Variants in FAM240C observed in about 807,000 individuals in gnomAD.
The protein encoded by FAM240C is protein FAM240C.
In FAM240C, 14 loss-of-function variants were observed where a neutral mutation model predicts 10.0. The observed-to-expected ratio is 1.40, with a 90% CI of 0.92 to 2.19. The LOEUF (loss-of-function observed/expected upper bound fraction) is 2.19, where lower values mean the gene tolerates loss of function less well. FAM240C is among the 30% of genes most tolerant of loss of function. FAM240C has a pLI of 0.00. For missense variants in FAM240C, 154 were observed against 122.3 expected (o/e 1.26, Z -1.22); for synonymous variants, 49 against 44.3 (o/e 1.11, Z -0.42).
At chr2:241,896,507 G>A (rs1701810331) in intron 2 of FAM240C, among the ~76,000 whole-genome samples, 2 of 124,624 alleles carry the variant, frequency 1.6e-5, no homozygotes, top group East Asian at 2.2e-4. Flanking sequence ...GGTGAAGGGG[G>A]TGTGGGTGTT....
In FAM240C at chr2:241,896,037, C is replaced by T. The variant is rs528239749; in HGVS notation, c.161+1149G>A. Among the ~76,000 whole-genome samples, 15 of 152,196 alleles carry T rather than the reference C, an allele frequency of 9.9e-5. 1 individual carries two copies. In the South Asian group the frequency reaches 2.5e-3, roughly 25 times the overall value. ...CTGGGCTCTGTGCTGGGTCCATGTC[C>T]GTAGTTGGGTAGCTGGTGAGTGGGG... On this transcript the variant is annotated intron_variant, in intron 2 of 2. Coordinates refer to ENST00000404031, the MANE Select transcript of FAM240C (RefSeq NM_001382368.1).
chr2:241,899,276 G>T (rs977575545), intron 1 of FAM240C: 7 of 1,270,584 alleles, frequency 5.5e-6, no homozygotes, highest in Admixed American at 5.0e-5. Flanking sequence ...TTGTGATGTG[G>T]GTGCTGGGCG....
At chr2:241,901,209 G>A (rs989168843), upstream of FAM240C, among the ~76,000 whole-genome samples, 1 of 152,174 alleles carries the variant, frequency 6.6e-6, no homozygotes, top group African/African-American at 2.4e-5. The surrounding 1 kb of genome is among the most constrained non-coding windows in gnomAD (Gnocchi z 4.9). Flanking sequence ...CGCCGCCCTG[G>A]TGCCATCAGG....
At chr2:241,894,550 T>C (rs1701740836) in intron 2 of FAM240C, among the ~76,000 whole-genome samples, 1 of 104,006 alleles carries the variant, frequency 9.6e-6, no homozygotes, top group African/African-American at 3.9e-5. Context: ...CGGCCTTGGC[T>C]CAGGCTGCTG....
intron 1 of FAM240C, chr2:241,899,173 C>CAGGT: frequency 2.3e-6 from 3 of 1,304,180 alleles, no homozygotes; most frequent in Non-Finnish European, 3.0e-6. Flanking sequence ...TTGCAATGAA[C>CAGGT]AGGTGCTGGG....
intron 1 of FAM240C, chr2:241,899,340 G>C: frequency 1.0e-6 from 1 of 985,378 alleles, no homozygotes. Flanking sequence ...TCGATGCCAC[G>C]CCCTTTGTTC....
upstream of FAM240C, chr2:241,900,475 A>G (rs901541481): frequency 2.9e-6 from 2 of 691,058 alleles, no homozygotes; most frequent in African/African-American, 1.8e-5. The surrounding 1 kb of genome is among the most constrained non-coding windows in gnomAD (Gnocchi z 4.5). Flanking sequence ...ACATGGGCTC[A>G]GTGACACGCA....
chr2:241,897,168 C>T lies in FAM240C; in HGVS notation c.161+18G>A, dbSNP rs1307017989. 6.5e-7 allele frequency: 1 copy of T among 1,548,830 alleles called. No homozygotes were observed. The highest frequency in any genetic ancestry group is 8.7e-7 in the Non-Finnish European group (1 of 1,146,154). ...CTCAGGCATAGGGGTCCCCGATGCA[C>T]TGCACACCCCGACTCACTTGTTCAG... On this transcript the variant is annotated intron_variant, in intron 2 of 2. Transcript: ENST00000404031.
chr2:241,897,875 T>C (rs567407231), intron 1 of FAM240C, among the ~76,000 whole-genome samples: 2 of 152,302 alleles, frequency 1.3e-5, no homozygotes, highest in East Asian at 1.9e-4. Context: ...GCTGGGACTA[T>C]AGGTGTGCAC....
chr2:241,897,413 G>A, intron 1 of FAM240C, 79 bp from the exon 2 acceptor site: 2 of 1,481,044 alleles, frequency 1.4e-6, no homozygotes, highest in South Asian at 1.3e-5. Flanking sequence ...GCACCCGGAT[G>A]GCAGAGGAGC....
At chr2:241,895,902 C>CGGG (rs1701785385) in intron 2 of FAM240C, among the ~76,000 whole-genome samples, 3 of 151,766 alleles carry the variant, frequency 2.0e-5, no homozygotes, top group Non-Finnish European at 4.4e-5. Flanking sequence ...CACACACAGG[C>CGGG]ACACGTCCAG....
At chr2:241,900,908 G>A (rs773599445), upstream of FAM240C, among the ~76,000 whole-genome samples, 1 of 152,104 alleles carries the variant, frequency 6.6e-6, no homozygotes, top group Non-Finnish European at 1.5e-5. The surrounding 1 kb of genome is among the most constrained non-coding windows in gnomAD (Gnocchi z 4.5). Flanking sequence ...TGGCTCTCGC[G>A]GTGACAGGCG....
In FAM240C at chr2:241,897,389, G is replaced by A. The variant is rs557840398; in HGVS notation, c.13-55C>T. The stretch of plus-strand genomic sequence containing the variant: ...GTCACCTTATGCCATTCCCATTGAC[G>A]AGTTTGTGCTCCAGCACCCGGATGG... On this transcript the variant is annotated intron_variant, in intron 1 of 2. Coordinates refer to ENST00000404031, the MANE Select transcript of FAM240C (RefSeq NM_001382368.1). 1,127 of 1,527,364 alleles carry A rather than the reference G, an allele frequency of 7.4e-4. 6 individuals carry two copies. In the African/African-American group the frequency reaches 0.014, roughly 19 times the overall value. The allele number at this position is 1,527,364 out of a possible 1,614,324, so 94.6% of individuals were successfully genotyped here. A position where few individuals can be genotyped will look rare whatever the true frequency, so the allele number is the denominator to read the frequency against.
chr2:241,899,756 C>G (rs928153352), intron 1 of FAM240C, among the ~76,000 whole-genome samples: 10 of 152,140 alleles, frequency 6.6e-5, no homozygotes, highest in Admixed American at 6.5e-4. Context: ...GGAGAACCAG[C>G]AAACCAGCAG....
chr2:241,898,979 G>GC, intron 1 of FAM240C: 1 of 601,554 alleles, frequency 1.7e-6, no homozygotes, highest in Admixed American at 2.4e-5. Flanking sequence ...GCCTTGCTTG[G>GC]CCTTGGAGGC....
chr2:241,900,275 C>G lies in FAM240C; in HGVS notation c.12+83G>C. ...CGTCTTGTGCCAGATATGTCACATACTCTGTTCACCTTTTGGGGGCCCCCA... is the reference window on the plus strand; with the variant it reads ...CGTCTTGTGCCAGATATGTCACATAGTCTGTTCACCTTTTGGGGGCCCCCA... On this transcript the variant is annotated intron_variant, in intron 1 of 2. Coordinates refer to ENST00000404031, the MANE Select transcript of FAM240C (RefSeq NM_001382368.1). The surrounding 1 kb of genome is among the most constrained non-coding windows in gnomAD (Gnocchi z 4.5). 1 of 710,298 alleles carries G rather than the reference C, an allele frequency of 1.4e-6. No homozygotes were observed. Among genetic ancestry groups the G allele is most frequent in the Non-Finnish European group, 2.6e-6 (1 of 379,824 alleles). The allele number at this position is 710,298 out of a possible 1,614,324, so 44.0% of individuals were successfully genotyped here. A position where few individuals can be genotyped will look rare whatever the true frequency, so the allele number is the denominator to read the frequency against.
chr2:241,897,152 A>AG (rs773115246), intron 2 of FAM240C, 34 bp downstream of exon 2: 8 of 1,545,204 alleles, frequency 5.2e-6, no homozygotes, highest in Non-Finnish European at 7.0e-6. Flanking sequence ...GCTCAGGCAT[A>AG]GGGGTCCCCG....
At chr2:241,894,450 TC>T in intron 2 of FAM240C, 111 bp from the exon 3 acceptor site, 1 of 1,234,426 alleles carries the variant, frequency 8.1e-7, no homozygotes, top group Non-Finnish European at 1.1e-6. Context: ...AGTATGACAC[TC>T]CCTGCCAGGG....
upstream of FAM240C, among the ~76,000 whole-genome samples, chr2:241,901,199 C>T (rs537260883): frequency 6.6e-6 from 1 of 152,182 alleles, no homozygotes; most frequent in Non-Finnish European, 1.5e-5. This position sits in a 1 kb window ranked among gnomAD's most constrained non-coding sequence, Gnocchi z 4.9. Context: ...CTGTCCCAGC[C>T]GCCGCCCTGG....
Sources: gnomAD v4.1 joint callset for allele counts (sites outside exome capture counted in the v4.1 genomes callset) on GRCh38, gnomAD v4.1.1 for gene constraint, Gnocchi (gnomAD v3.1) non-coding constraint, MANE v1.5 for transcripts, NCBI Gene and HGNC (gene_info 2026-07-23, HGNC 2026-07-21) for gene names.